The following COL22A1 variants were observed in gnomAD, a reference collection of about 807,000 sequenced individuals.
COL22A1 encodes collagen alpha-1(XXII) chain.
In COL22A1, 221 loss-of-function variants were observed where a neutral mutation model predicts 248.9. That is an observed-to-expected ratio of 0.89 (90% CI 0.80 to 0.99). The LOEUF is 0.99. Ranked by LOEUF, COL22A1 falls within the 50% of genes least tolerant of loss-of-function variation. The pLI is 0.00. For missense variants in COL22A1, 2,240 were observed against 2,179.0 expected, an observed-to-expected ratio of 1.03 and a Z score of -0.56; for synonymous variants, 891 against 793.4, an observed-to-expected ratio of 1.12 and a Z score of -2.07.
At chr8:138,723,255 C>G (rs1830038398) in intron 25 of COL22A1, among the ~76,000 whole-genome samples, 1 of 152,136 alleles carries the variant, frequency 6.6e-6, no homozygotes, top group Non-Finnish European at 1.5e-5. Context: ...TGACTCATCT[C>G]TCCCTGTGCC....
intron 2 of COL22A1, among the ~76,000 whole-genome samples, chr8:138,879,558 G>A (rs2132051124): frequency 6.6e-6 from 1 of 151,966 alleles, no homozygotes; most frequent in South Asian, 2.1e-4. Context: ...CAGGCATGGT[G>A]GCTTATGACT....
At chr8:138,637,974 C>G (rs1487935841) in intron 47 of COL22A1, among the ~76,000 whole-genome samples, 3 of 151,944 alleles carry the variant, frequency 2.0e-5, no homozygotes, top group African/African-American at 7.2e-5. Context: ...TCCTCATCTT[C>G]ACCATCATCA....
intron 39 of COL22A1, among the ~76,000 whole-genome samples, chr8:138,680,986 C>G (rs990338145): frequency 2.0e-5 from 3 of 152,044 alleles, no homozygotes; most frequent in African/African-American, 7.2e-5. Flanking sequence ...CTGCACTCTT[C>G]CCCCCGGGGG....
rs781158584 is a variant in COL22A1, at chr8:138,725,430, C to T, written c.2150G>A (p.Gly717Glu). ...AGGGGGGCCTGGGACACCAGGGGGT[C>T]CTGGAGGGCCCTGTAGAGAAAGAGC... ...PGLLGLQGPP[G>E]PPGVPGPPGP... The change falls in exon 24 of 65, where the codon GGA becomes GAA. Residue 717 changes from glycine (G) to glutamate (E), a missense_variant. Transcript: ENST00000303045. 43 of 1,613,696 alleles carry T rather than the reference C, an allele frequency of 2.7e-5. No homozygotes were observed. The highest frequency in any genetic ancestry group is 3.4e-5 in the Non-Finnish European group (40 of 1,179,914).
At chr8:138,616,581 C>G (rs1235227159) in intron 54 of COL22A1, among the ~76,000 whole-genome samples, 1 of 152,208 alleles carries the variant, frequency 6.6e-6, no homozygotes, top group East Asian at 1.9e-4. Context: ...TCCTCTGGGC[C>G]TCAGTTTCCT....
intron 26 of COL22A1, 46 bp from the exon 27 acceptor site, chr8:138,720,838 G>A (rs765263705): frequency 6.8e-7 from 1 of 1,467,792 alleles, no homozygotes; most frequent in East Asian, 2.3e-5. Flanking sequence ...GGCCATGCTT[G>A]GATTAAACAA....
At chr8:138,870,624 G>A (rs889657792) in intron 3 of COL22A1, among the ~76,000 whole-genome samples, 1 of 151,760 alleles carries the variant, frequency 6.6e-6, no homozygotes, top group Non-Finnish European at 1.5e-5. Context: ...ATATGTCTAT[G>A]GAGTGTCTGT....
At chr8:138,717,398 C>T (rs1252784498) in intron 27 of COL22A1, among the ~76,000 whole-genome samples, 1 of 152,262 alleles carries the variant, frequency 6.6e-6, no homozygotes, top group East Asian at 1.9e-4. Flanking sequence ...CAGCCTGCCT[C>T]GGCCTCCCAA....
Position 138,670,202 on chromosome 8 carries a change from T to C in COL22A1, c.3150+6356A>G, listed in dbSNP as rs567023593. On this transcript the variant is annotated intron_variant, in intron 41 of 64. Transcript: ENST00000303045. ...CACCTGGCCATTCTGAGACTTTATA[T>C]AAAAACCAACTCCTGGTTATACGTG... Among the ~76,000 whole-genome samples the C allele has an allele frequency of 3.6e-4, 55 of 152,306 alleles. 1 individual carries two copies. Among genetic ancestry groups the C allele is most frequent in the Admixed American group, 2.0e-3 (30 of 15,300 alleles).
chr8:138,598,063 T>C (rs545382607), intron 61 of COL22A1, among the ~76,000 whole-genome samples: 1 of 151,862 alleles, frequency 6.6e-6, no homozygotes, highest in Non-Finnish European at 1.5e-5. Flanking sequence ...CCGGAAGGAG[T>C]GGTCACATGG....
At chr8:138,910,691 C>A (rs1815391904) in intron 1 of COL22A1, among the ~76,000 whole-genome samples, 1 of 152,068 alleles carries the variant, frequency 6.6e-6, no homozygotes, top group Non-Finnish European at 1.5e-5. Context: ...TTCCTGTGGG[C>A]CTTTCTCATT....
intron 30 of COL22A1, among the ~76,000 whole-genome samples, chr8:138,711,415 G>A (rs766676208): frequency 5.9e-5 from 9 of 152,222 alleles, no homozygotes; most frequent in Non-Finnish European, 1.3e-4. Context: ...GAAAAGAAAG[G>A]CAAACCAGAT....
chr8:138,874,078 A>G (rs1351528341), intron 3 of COL22A1, among the ~76,000 whole-genome samples: 1 of 152,164 alleles, frequency 6.6e-6, no homozygotes, highest in Non-Finnish European at 1.5e-5. Context: ...CTGCTTTCCA[A>G]TATGTTACTA....
At chr8:138,728,203 AT>A (rs957504997) in intron 23 of COL22A1, among the ~76,000 whole-genome samples, 5 of 151,588 alleles carry the variant, frequency 3.3e-5, no homozygotes, top group African/African-American at 1.2e-4. Flanking sequence ...TAATTTTATG[AT>A]TTTTTTGTAG....
intron 56 of COL22A1, 110 bp from the exon 57 acceptor site, chr8:138,608,099 T>C (rs992924304): frequency 1.1e-6 from 1 of 902,150 alleles, no homozygotes; most frequent in Non-Finnish European, 1.7e-6. Context: ...AATCTGTTAC[T>C]CTAGCCAGTG....
intron 46 of COL22A1, among the ~76,000 whole-genome samples, 189 bp downstream of exon 46, chr8:138,649,476 A>G (rs187848904): frequency 9.8e-5 from 15 of 152,330 alleles, no homozygotes; most frequent in African/African-American, 3.6e-4. Context: ...TAAAGTGACA[A>G]AGACCCATAG....
At chr8:138,762,588 G>GTA (rs1833577368) in intron 16 of COL22A1, 122 bp from the exon 17 acceptor site, 2 of 551,156 alleles carry the variant, frequency 3.6e-6, no homozygotes, top group East Asian at 7.1e-5. Flanking sequence ...AAACGCACGT[G>GTA]CACACACACA....
intron 3 of COL22A1, among the ~76,000 whole-genome samples, chr8:138,862,835 A>C (rs567624779): frequency 2.0e-5 from 3 of 151,616 alleles, no homozygotes; most frequent in African/African-American, 7.3e-5. Flanking sequence ...TCAAGGACAC[A>C]AGGGCATCAA....
chr8:138,676,564 G>A lies in COL22A1; in HGVS notation c.3144C>T (p.Gly1048=). Residue 1048 remains glycine (G), a synonymous_variant, in exon 41 of 65, where the codon GGC becomes GGT. Coordinates refer to ENST00000303045, the MANE Select transcript of COL22A1 (RefSeq NM_152888.3). ...SRGDPGIGVA[G]PPGPSGPPGD... is the part of the protein sequence containing the mutation. The stretch of plus-strand genomic sequence containing the variant: ...TGGATAAATAAAGACTTACAGGAGG[G>A]CCAGCAACCCCAATGCCTGGGTCAC... 2 of 1,562,528 alleles carry A rather than the reference G, an allele frequency of 1.3e-6. No individual in the cohort carries two copies. Among genetic ancestry groups the A allele is most frequent in the Admixed American group, 3.8e-5 (2 of 52,066 alleles).
Sources: allele counts gnomAD v4.1 joint callset (sites outside exome capture counted in the v4.1 genomes callset), GRCh38; gene constraint gnomAD v4.1.1; transcripts MANE v1.5; gene names NCBI Gene and HGNC (gene_info 2026-07-23, HGNC 2026-07-21).